The following UBR3 variants were observed in gnomAD, a reference collection of about 807,000 sequenced individuals.
The protein encoded by UBR3 is ubiquitin protein ligase E3 component n-recognin 3, also known as E3 ubiquitin-protein ligase UBR3.
UBR3 carries 85 observed loss-of-function variants against 243.2 expected under a neutral mutation model. That is an observed-to-expected ratio of 0.35 (90% CI 0.29 to 0.42). The LOEUF (loss-of-function observed/expected upper bound fraction) is 0.42, where lower values mean the gene tolerates loss of function less well. UBR3 is among the 10% of genes least tolerant of loss of function. The pLI is 1.00. For missense variants in UBR3, 1,686 were observed against 2,300.8 expected, an observed-to-expected ratio of 0.73 and a Z score of 5.47; for synonymous variants, 748 against 799.8, an observed-to-expected ratio of 0.94 and a Z score of 1.09.
intron 19 of UBR3, among the ~76,000 whole-genome samples, 176 bp from the exon 20 acceptor site, chr2:169,942,317 G>T (rs1351088880): frequency 6.6e-6 from 1 of 152,138 alleles, no homozygotes; most frequent in African/African-American, 2.4e-5. Flanking sequence ...ATTAGGAAAA[G>T]AAATAGTAAT....
intron 10 of UBR3, among the ~76,000 whole-genome samples, chr2:169,912,361 C>T (rs1414221049): frequency 6.6e-6 from 1 of 152,152 alleles, no homozygotes; most frequent in East Asian, 1.9e-4. Context: ...GCATACCTCC[C>T]AATTCCAACC....
intron 26 of UBR3, among the ~76,000 whole-genome samples, chr2:169,999,957 T>C (rs1035163009): frequency 6.6e-6 from 1 of 151,998 alleles, no homozygotes; most frequent in African/African-American, 2.4e-5. Flanking sequence ...AGAAACCCTG[T>C]CTCTACTAAA....
At chr2:170,070,760 A>G (rs952118383) in intron 35 of UBR3, among the ~76,000 whole-genome samples, 7 of 152,160 alleles carry the variant, frequency 4.6e-5, no homozygotes, top group Admixed American at 2.0e-4. Flanking sequence ...GGAATTTGAT[A>G]CTGGCAAGGC....
chr2:170,056,143 G>A (rs1385074226), intron 33 of UBR3, among the ~76,000 whole-genome samples: 1 of 151,252 alleles, frequency 6.6e-6, no homozygotes, highest in African/African-American at 2.4e-5. Flanking sequence ...GAGTAGCTGG[G>A]ACTATAGGCG....
intron 30 of UBR3, among the ~76,000 whole-genome samples, chr2:170,028,550 TTTAA>T (rs2090589014): frequency 6.6e-6 from 1 of 151,714 alleles, no homozygotes; most frequent in African/African-American, 2.4e-5. Context: ...GGCAGAATAA[TTTAA>T]TTATTGTCAT....
At chr2:169,849,921 C>T (rs1052295524) in intron 1 of UBR3, among the ~76,000 whole-genome samples, 5 of 152,066 alleles carry the variant, frequency 3.3e-5, no homozygotes, top group Non-Finnish European at 7.4e-5. Flanking sequence ...GGCTTGGTGC[C>T]TTATCTGCTG....
At chr2:169,918,960 T>G (rs553468519) in intron 11 of UBR3, among the ~76,000 whole-genome samples, 1 of 152,224 alleles carries the variant, frequency 6.6e-6, no homozygotes, top group Non-Finnish European at 1.5e-5. Flanking sequence ...CCAGGTGCTA[T>G]GTGGGACCAT....
chr2:170,073,337 G>A lies in UBR3; in HGVS notation c.5020-91G>A, dbSNP rs760257298. 4.1e-6 allele frequency: 6 copies of A among 1,446,206 alleles called. No individual in the cohort carries two copies. The South Asian group carries it at 6.1e-5, about 15-fold the overall frequency. The allele number at this position is 1,446,206 out of a possible 1,614,324, so 89.6% of individuals were successfully genotyped here. ...ACTCAGTTAAGAAAGTTTTCTTATT[G>A]TCTCAAAGTAATTGATGAGGGTGAC... is the stretch of plus-strand genomic sequence containing the variant. On this transcript the variant is annotated intron_variant, in intron 35 of 38. Transcript: ENST00000272793.
At position 169,905,138 on chromosome 2, in the gene UBR3, T is replaced by C; in HGVS notation, c.1490T>C (p.Val497Ala). The change falls in exon 9 of 39, where the codon GTA becomes GCA. Residue 497 changes from valine (V) to alanine (A), a missense_variant. Physicochemically the swap from Val to Ala is moderately conservative, Grantham distance 64. Around this residue, in one of 8 missense-constraint regions of UBR3, gnomAD observed 346 missense variants for 585.8 expected, o/e 0.59. Transcript: ENST00000272793. ...LQDEENSLHV[V>A]VNCGEALLKN... ...GATGAAGAAAATAGTTTACATGTGG[T>C]AGTGAACTGTGGAGAAGCATTACTG... is the stretch of plus-strand genomic sequence containing the variant. 2 of 1,519,870 alleles carry C rather than the reference T, an allele frequency of 1.3e-6. No homozygotes were observed. Among genetic ancestry groups the C allele is most frequent in the Non-Finnish European group, 1.8e-6 (2 of 1,134,040 alleles). The allele number at this position is 1,519,870 out of a possible 1,614,324, so 94.1% of individuals were successfully genotyped here. A position where few individuals can be genotyped will look rare whatever the true frequency, so the allele number is the denominator to read the frequency against.
chr2:170,007,563 G>A (rs939896222), intron 28 of UBR3, among the ~76,000 whole-genome samples: 12 of 152,052 alleles, frequency 7.9e-5, no homozygotes, highest in Admixed American at 1.3e-4. Flanking sequence ...TTTGAGACCA[G>A]CCTGGCCAAC....
intron 31 of UBR3, 25 bp from the exon 32 acceptor site, chr2:170,040,857 T>G: frequency 1.3e-6 from 2 of 1,555,272 alleles, no homozygotes; most frequent in Non-Finnish European, 1.8e-6. Context: ...CAATACTATG[T>G]AAAGTGACTA....
intron 29 of UBR3, chr2:170,013,750 TTGTTTG>T (rs1404837349): frequency 4.6e-6 from 1 of 215,680 alleles, no homozygotes. Context: ...TTTGTAAGTA[TTGTTTG>T]TGTTTCTGGT....
At chr2:170,028,593 TAATTA>T (rs145411251) in intron 30 of UBR3, among the ~76,000 whole-genome samples, 6,055 of 151,362 alleles carry the variant, frequency 0.04, 180 homozygotes, top group East Asian at 0.11. Flanking sequence ...GGCAGAATAA[TAATTA>T]AATTATTATT....
chr2:170,059,367 G>A (rs1373521175), intron 33 of UBR3, among the ~76,000 whole-genome samples: 1 of 152,126 alleles, frequency 6.6e-6, no homozygotes, highest in Non-Finnish European at 1.5e-5. Context: ...ACTCAGAAAA[G>A]TATATTGAAT....
intron 1 of UBR3, among the ~76,000 whole-genome samples, chr2:169,835,615 A>G (rs1263566355): frequency 6.6e-6 from 1 of 151,818 alleles, no homozygotes; most frequent in East Asian, 1.9e-4. Flanking sequence ...TAATTTTTGT[A>G]TTTTTAGTAG....
rs1485727219 is a variant in UBR3, at chr2:169,836,022, T to C, written c.545+7970T>C. On this transcript the variant is annotated intron_variant, in intron 1 of 38. Transcript: ENST00000272793. ...CTCTCTCTCTCTCTCTCTCTCTCTC[T>C]CTCTCTCTCTCTCTCTCTCTCTATA... 8.1e-4 allele frequency among the ~76,000 whole-genome samples: 23 copies of C among 28,478 alleles called. 1 individual carries two copies. Among genetic ancestry groups the C allele is most frequent in the Non-Finnish European group, 1.3e-3 (17 of 13,290 alleles). The allele number at this position is 28,478 out of a possible 152,430, so 18.7% of individuals were successfully genotyped here.
chr2:169,959,567 C>G (rs775642262), intron 24 of UBR3, among the ~76,000 whole-genome samples: 2 of 151,766 alleles, frequency 1.3e-5, no homozygotes, highest in African/African-American at 2.4e-5. Flanking sequence ...TTAGGTTTTT[C>G]CAGAGGGACA....
At chr2:169,905,028 T>G (rs954680689) in intron 8 of UBR3, 86 bp from the exon 9 acceptor site, 1 of 1,155,880 alleles carries the variant, frequency 8.7e-7, no homozygotes, top group African/African-American at 1.6e-5. Flanking sequence ...GTATATCTGA[T>G]TCTAAAGTAT....
chr2:169,977,958 G>A (rs911775773), intron 24 of UBR3, among the ~76,000 whole-genome samples: 2 of 152,158 alleles, frequency 1.3e-5, no homozygotes, highest in Non-Finnish European at 2.9e-5. Context: ...GGCTTTTGTA[G>A]AGAATGATTC....
Sources: gnomAD v4.1 joint callset for allele counts (sites outside exome capture counted in the v4.1 genomes callset) on GRCh38, gnomAD v4.1.1 for gene constraint, gnomAD v4.1.1 regional missense constraint, MANE v1.5 for transcripts, NCBI Gene and HGNC (gene_info 2026-07-23, HGNC 2026-07-21) for gene names.